The following BCL2L2 variants were observed in gnomAD, a reference collection of about 807,000 sequenced individuals.
BCL2L2 encodes the protein bcl-2-like protein 2.
In BCL2L2, 6 loss-of-function variants were observed where a neutral mutation model predicts 14.6. The ratio of observed to expected loss-of-function variants is 0.41; its 90% CI spans 0.22 to 0.81. The LOEUF is 0.81. Ranked by LOEUF, BCL2L2 falls within the 30% of genes least tolerant of loss-of-function variation. BCL2L2 has a pLI of 0.32. For synonymous variants in BCL2L2, 90 were observed against 108.5 expected (o/e 0.83, Z 1.06); for missense variants, 191 against 260.5 (o/e 0.73, Z 1.84).
Position 23,308,310 on chromosome 14 carries a change from C to T in BCL2L2, c.432+111C>T, listed in dbSNP as rs772716523. The T allele has an allele frequency of 1.7e-5, 24 of 1,395,488 alleles. No homozygotes were observed. The highest frequency in any genetic ancestry group is 5.8e-5 in the African/African-American group (4 of 68,766). The allele number at this position is 1,395,488 out of a possible 1,614,324, so 86.4% of individuals were successfully genotyped here. ...AGGCAGCTATGTTGGGAATGAGGTA[C>T]GGGGCTGAGTCTCCCCGTCTGGATG... On this transcript the variant is annotated intron_variant, in intron 3 of 3. Coordinates refer to ENST00000250405, the MANE Select transcript of BCL2L2 (RefSeq NM_004050.5). This position sits in a 1 kb window ranked among gnomAD's most constrained non-coding sequence, Gnocchi z 5.4.
Position 23,308,980 on chromosome 14 carries a change from G to A in BCL2L2, c.*15G>A, listed in dbSNP as rs374244495. ...CTAGCAAGTGAAAGTCCAGGGCCAG[G>A]TGGGGCTAGGTGTGGCTGGGGGCCA... On this transcript the variant is annotated 3_prime_UTR_variant, in exon 4 of 4. Coordinates refer to ENST00000250405, the MANE Select transcript of BCL2L2 (RefSeq NM_004050.5). The surrounding 1 kb of genome is among the most constrained non-coding windows in gnomAD (Gnocchi z 5.4). 2.7e-4 allele frequency: 356 copies of A among 1,322,098 alleles called. No homozygotes were observed. Among genetic ancestry groups the A allele is most frequent in the Middle Eastern group, 2.3e-3 (11 of 4,802 alleles). The allele number at this position is 1,322,098 out of a possible 1,614,324, so 81.9% of individuals were successfully genotyped here. A position where few individuals can be genotyped will look rare whatever the true frequency, so the allele number is the denominator to read the frequency against.
At position 23,310,364 on chromosome 14, in the gene BCL2L2, C is replaced by T. The variant is rs1267960350; in HGVS notation, c.*1399C>T. 1.0e-6 allele frequency: 1 copy of T among 988,728 alleles called. No homozygotes were observed. Among genetic ancestry groups the T allele is most frequent in the African/African-American group, 1.7e-5 (1 of 57,244 alleles). The allele number at this position is 988,728 out of a possible 1,614,324, so 61.2% of individuals were successfully genotyped here. The stretch of plus-strand genomic sequence containing the variant: ...TCCAAGGTGCTAAGATTGCTGCTCT[C>T]CAATGCTAACTTTCTGACACAGTGC... On this transcript the variant is annotated 3_prime_UTR_variant, in exon 4 of 4. Coordinates refer to ENST00000250405, the MANE Select transcript of BCL2L2 (RefSeq NM_004050.5).
At chr14:23,307,158 C>G (rs940709458) in intron 1 of BCL2L2, 34 bp from the exon 2 acceptor site, 4 of 152,838 alleles carry the variant, frequency 2.6e-5, no homozygotes, top group African/African-American at 9.6e-5. Context: ...CTGGCCTTCC[C>G]CTCCTGGTTC....
chr14:23,310,604 A>T lies in BCL2L2; in HGVS notation c.*1639A>T. The T allele has an allele frequency of 9.2e-7, 1 of 1,088,930 alleles. No homozygotes were observed. Among genetic ancestry groups the T allele is most frequent in the Non-Finnish European group, 1.1e-6 (1 of 891,968 alleles). 67.5% of individuals were successfully genotyped at this position (1,088,930 alleles called of 1,614,324 possible). On this transcript the variant is annotated 3_prime_UTR_variant, in exon 4 of 4. Coordinates refer to ENST00000250405, the MANE Select transcript of BCL2L2 (RefSeq NM_004050.5). Reference sequence around the variant, plus strand: ...ATTTCTAGGGGAGGTGGTAGGCTGCATGTGCCACTTGGTCTTGTTGTGAGT... The same window carrying T: ...ATTTCTAGGGGAGGTGGTAGGCTGCTTGTGCCACTTGGTCTTGTTGTGAGT...
chr14:23,311,482 C>T lies in BCL2L2; in HGVS notation c.*2517C>T, dbSNP rs1156596218. The T allele has an allele frequency of 4.9e-6, 5 of 1,012,710 alleles. No individual in the cohort carries two copies. Among genetic ancestry groups the T allele is most frequent in the Non-Finnish European group, 4.7e-6 (4 of 848,042 alleles). 62.7% of individuals were successfully genotyped at this position (1,012,710 alleles called of 1,614,324 possible). A position where few individuals can be genotyped will look rare whatever the true frequency, so the allele number is the denominator to read the frequency against. Reference sequence around the variant, plus strand: ...GACTTTGTTTAGGCCAAGGAAGGAGCGGAAGTAGGGCAACTCGGTCCTGCG... The same window carrying T: ...GACTTTGTTTAGGCCAAGGAAGGAGTGGAAGTAGGGCAACTCGGTCCTGCG... On this transcript the variant is annotated 3_prime_UTR_variant, in exon 4 of 4. Coordinates refer to ENST00000250405, the MANE Select transcript of BCL2L2 (RefSeq NM_004050.5).
At position 23,311,587 on chromosome 14, in the gene BCL2L2, G is replaced by T. The variant is rs1428401145; in HGVS notation, c.*2622G>T. On this transcript the variant is annotated 3_prime_UTR_variant, in exon 4 of 4. Coordinates refer to ENST00000250405, the MANE Select transcript of BCL2L2 (RefSeq NM_004050.5). The stretch of plus-strand genomic sequence containing the variant: ...TTTAAAATCATAAAACGGCAGAACA[G>T]ATTTGGTTAGTTTAGAAGAAAAGAA... The T allele has an allele frequency of 1.0e-6, 1 of 983,696 alleles. No homozygotes were observed. Among genetic ancestry groups the T allele is most frequent in the African/African-American group, 1.7e-5 (1 of 57,162 alleles). 60.9% of individuals were successfully genotyped at this position (983,696 alleles called of 1,614,324 possible). A position where few individuals can be genotyped will look rare whatever the true frequency, so the allele number is the denominator to read the frequency against.
Position 23,310,865 on chromosome 14 carries a change from T to A in BCL2L2, c.*1900T>A, listed in dbSNP as rs1594980516. ...CTTGTAGCTGTCTTACATATTGGGG[T>A]TCAGGGTAAGATTTTATTTGCATTA... On this transcript the variant is annotated 3_prime_UTR_variant, in exon 4 of 4. Coordinates refer to ENST00000250405, the MANE Select transcript of BCL2L2 (RefSeq NM_004050.5). The A allele has an allele frequency of 2.0e-5, 26 of 1,271,916 alleles. No homozygotes were observed. The highest frequency in any genetic ancestry group is 2.5e-5 in the Non-Finnish European group (24 of 975,246). The allele number at this position is 1,271,916 out of a possible 1,614,324, so 78.8% of individuals were successfully genotyped here.
At position 23,308,699 on chromosome 14, in the gene BCL2L2, T is replaced by C; in HGVS notation, c.433-117T>C. On this transcript the variant is annotated intron_variant, in intron 3 of 3. Coordinates refer to ENST00000250405, the MANE Select transcript of BCL2L2 (RefSeq NM_004050.5). The surrounding 1 kb of genome is among the most constrained non-coding windows in gnomAD (Gnocchi z 5.4). ...GCTTTGGCCAGAGAGGAGCTGGGTATGGGGTAGTGCTCGCAGTGGATGGAA... is the reference window on the plus strand; with the variant it reads ...GCTTTGGCCAGAGAGGAGCTGGGTACGGGGTAGTGCTCGCAGTGGATGGAA... 1 of 830,420 alleles carries C rather than the reference T, an allele frequency of 1.2e-6. No individual in the cohort carries two copies. The highest frequency in any genetic ancestry group is 1.7e-6 in the Non-Finnish European group (1 of 587,238). The allele number at this position is 830,420 out of a possible 1,614,324, so 51.4% of individuals were successfully genotyped here. A position where few individuals can be genotyped will look rare whatever the true frequency, so the allele number is the denominator to read the frequency against.
intron 2 of BCL2L2, among the ~76,000 whole-genome samples, 181 bp downstream of exon 2, chr14:23,307,460 G>A (rs1887301212): frequency 6.6e-6 from 1 of 152,220 alleles, no homozygotes; most frequent in African/African-American, 2.4e-5. Context: ...CCGGGGGTGG[G>A]GGTGTTGTAG....
Position 23,311,032 on chromosome 14 carries a change from C to T in BCL2L2, c.*2067C>T, listed in dbSNP as rs1442925302. On this transcript the variant is annotated 3_prime_UTR_variant, in exon 4 of 4. Coordinates refer to ENST00000250405, the MANE Select transcript of BCL2L2 (RefSeq NM_004050.5). Reference sequence around the variant, plus strand: ...CAGGACACATATCCCTGTTAGCATTCCCCGGGACCTTTAGCCAAGAGGAGC... The same window carrying T: ...CAGGACACATATCCCTGTTAGCATTTCCCGGGACCTTTAGCCAAGAGGAGC... 1 of 1,289,516 alleles carries T rather than the reference C, an allele frequency of 7.8e-7. No individual in the cohort carries two copies. The highest frequency in any genetic ancestry group is 1.5e-5 in the African/African-American group (1 of 65,988). 79.9% of individuals were successfully genotyped at this position (1,289,516 alleles called of 1,614,324 possible).
At position 23,309,959 on chromosome 14, in the gene BCL2L2, T is replaced by C; in HGVS notation, c.*994T>C. Reference sequence around the variant, plus strand: ...GAGGTTGTGGGCATAAGTGCTGATCTAGAATACAGTCTGGGTCCCACACTG... The same window carrying C: ...GAGGTTGTGGGCATAAGTGCTGATCCAGAATACAGTCTGGGTCCCACACTG... On this transcript the variant is annotated 3_prime_UTR_variant, in exon 4 of 4. Coordinates refer to ENST00000250405, the MANE Select transcript of BCL2L2 (RefSeq NM_004050.5). 1 of 985,496 alleles carries C rather than the reference T, an allele frequency of 1.0e-6. No homozygotes were observed. The highest frequency in any genetic ancestry group is 1.2e-6 in the Non-Finnish European group (1 of 829,948). The allele number at this position is 985,496 out of a possible 1,614,324, so 61.0% of individuals were successfully genotyped here.
intron 2 of BCL2L2, 85 bp from the exon 3 acceptor site, chr14:23,307,675 C>T: frequency 6.7e-7 from 1 of 1,489,288 alleles, no homozygotes; most frequent in Admixed American, 2.3e-5. Context: ...TCCTCCTCAT[C>T]TCACTGGGTT....
rs1437611528 is a variant in BCL2L2 at position 23,310,221 on chromosome 14, G to A, written c.*1256G>A. Reference sequence around the variant, plus strand: ...ACTTGTCTGTACCTCAGAGTCTGAGGATGTTAACTTTGGAACTCGCAGTCC... The same window carrying A: ...ACTTGTCTGTACCTCAGAGTCTGAGAATGTTAACTTTGGAACTCGCAGTCC... On this transcript the variant is annotated 3_prime_UTR_variant, in exon 4 of 4. Transcript: ENST00000250405. The A allele has an allele frequency of 2.3e-5, 23 of 985,812 alleles. No individual in the cohort carries two copies. The highest frequency in any genetic ancestry group is 2.5e-5 in the Non-Finnish European group (21 of 830,000). The allele number at this position is 985,812 out of a possible 1,614,324, so 61.1% of individuals were successfully genotyped here.
Position 23,309,525 on chromosome 14 carries a change from A to G in BCL2L2, c.*560A>G. The G allele has an allele frequency of 2.0e-6, 2 of 985,768 alleles. No homozygotes were observed. Among genetic ancestry groups the G allele is most frequent in the Non-Finnish European group, 2.4e-6 (2 of 830,140 alleles). 61.1% of individuals were successfully genotyped at this position (985,768 alleles called of 1,614,324 possible). A position where few individuals can be genotyped will look rare whatever the true frequency, so the allele number is the denominator to read the frequency against. Reference sequence around the variant, plus strand: ...CAAGGAGAAAACATTCCCTCTTGCAATGGCAAGAACTAGGGGCAGTTCTCT... The same window carrying G: ...CAAGGAGAAAACATTCCCTCTTGCAGTGGCAAGAACTAGGGGCAGTTCTCT... On this transcript the variant is annotated 3_prime_UTR_variant, in exon 4 of 4. Coordinates refer to ENST00000250405, the MANE Select transcript of BCL2L2 (RefSeq NM_004050.5).
Position 23,311,587 on chromosome 14 carries a change from G to A in BCL2L2, c.*2622G>A, listed in dbSNP as rs1428401145. On this transcript the variant is annotated 3_prime_UTR_variant, in exon 4 of 4. Transcript: ENST00000250405. ...TTTAAAATCATAAAACGGCAGAACA[G>A]ATTTGGTTAGTTTAGAAGAAAAGAA... is the stretch of plus-strand genomic sequence containing the variant. 1.0e-6 allele frequency: 1 copy of A among 983,696 alleles called. No homozygotes were observed. Among genetic ancestry groups the A allele is most frequent in the Non-Finnish European group, 1.2e-6 (1 of 828,458 alleles). 60.9% of individuals were successfully genotyped at this position (983,696 alleles called of 1,614,324 possible). A position where few individuals can be genotyped will look rare whatever the true frequency, so the allele number is the denominator to read the frequency against.
chr14:23,311,261 A>G lies in BCL2L2; in HGVS notation c.*2296A>G, dbSNP rs921084280. 8.3e-6 allele frequency: 10 copies of G among 1,205,600 alleles called. No homozygotes were observed. In the African/African-American group the frequency reaches 1.6e-4, roughly 19 times the overall value. 74.7% of individuals were successfully genotyped at this position (1,205,600 alleles called of 1,614,324 possible). ...ACCCCAGAGACTCTTCTGTCAGGGAAAACTAGGGACTCTCTTCTAGAGCCA... is the reference window on the plus strand; with the variant it reads ...ACCCCAGAGACTCTTCTGTCAGGGAGAACTAGGGACTCTCTTCTAGAGCCA... On this transcript the variant is annotated 3_prime_UTR_variant, in exon 4 of 4. Coordinates refer to ENST00000250405, the MANE Select transcript of BCL2L2 (RefSeq NM_004050.5).
At position 23,309,233 on chromosome 14, in the gene BCL2L2, G is replaced by C; in HGVS notation, c.*268G>C. 8.4e-7 allele frequency: 1 copy of C among 1,193,554 alleles called. No homozygotes were observed. Among genetic ancestry groups the C allele is most frequent in the African/African-American group, 1.6e-5 (1 of 63,636 alleles). 73.9% of individuals were successfully genotyped at this position (1,193,554 alleles called of 1,614,324 possible). On this transcript the variant is annotated 3_prime_UTR_variant, in exon 4 of 4. Coordinates refer to ENST00000250405, the MANE Select transcript of BCL2L2 (RefSeq NM_004050.5). Reference sequence around the variant, plus strand: ...GGCTGGGGGAGGTGGGAGGGATCACGCCTATAGGTGTGGGCACATGAAACG... The same window carrying C: ...GGCTGGGGGAGGTGGGAGGGATCACCCCTATAGGTGTGGGCACATGAAACG...
chr14:23,311,686 TA>T lies in BCL2L2; in HGVS notation c.*2722del. On this transcript the variant is annotated 3_prime_UTR_variant, in exon 4 of 4. Coordinates refer to ENST00000250405, the MANE Select transcript of BCL2L2 (RefSeq NM_004050.5). ...ATAAATACCAAGTTCATTTGACTTT[TA>T]TTTTTGTGTAATATGTAATGATCGT... 1.1e-6 allele frequency: 1 copy of T among 931,082 alleles called. No homozygotes were observed. Among genetic ancestry groups the T allele is most frequent in the African/African-American group, 1.8e-5 (1 of 56,096 alleles). 57.7% of individuals were successfully genotyped at this position (931,082 alleles called of 1,614,324 possible).
In BCL2L2 at chr14:23,311,220, C is replaced by T; in HGVS notation, c.*2255C>T. 8.1e-7 allele frequency: 1 copy of T among 1,240,172 alleles called. No homozygotes were observed. Among genetic ancestry groups the T allele is most frequent in the Non-Finnish European group, 1.0e-6 (1 of 972,156 alleles). 76.8% of individuals were successfully genotyped at this position (1,240,172 alleles called of 1,614,324 possible). A position where few individuals can be genotyped will look rare whatever the true frequency, so the allele number is the denominator to read the frequency against. ...GGCAATTTTGACCTGTCCTGCCCTT[C>T]TTAGCTTGAAGGGAAACCCCAGAGA... On this transcript the variant is annotated 3_prime_UTR_variant, in exon 4 of 4. Transcript: ENST00000250405.
Sources: gnomAD v4.1 joint callset for allele counts (sites outside exome capture counted in the v4.1 genomes callset) on GRCh38, gnomAD v4.1.1 for gene constraint, Gnocchi (gnomAD v3.1) non-coding constraint, MANE v1.5 for transcripts, NCBI Gene and HGNC (gene_info 2026-07-23, HGNC 2026-07-21) for gene names.